The following SYNPR variants were observed in gnomAD, a reference collection of about 807,000 sequenced individuals.
SYNPR encodes the protein synaptoporin.
A neutral mutation model predicts 32.9 loss-of-function variants in SYNPR; 23 were observed. The ratio of observed to expected loss-of-function variants is 0.70; its 90% CI spans 0.50 to 0.99. SYNPR has a LOEUF of 0.99. SYNPR is among the 50% of genes least tolerant of loss of function. The probability of loss-of-function intolerance (pLI) is 0.00; values close to 1 mark genes in which losing one functional copy is unlikely to be tolerated. For missense variants in SYNPR, 318 were observed against 349.3 expected (o/e 0.91, Z 0.71); for synonymous variants, 146 against 135.9 (o/e 1.07, Z -0.52).
At chr3:63,352,866 T>C (rs2087527635) in intron 2 of SYNPR, among the ~76,000 whole-genome samples, 1 of 152,112 alleles carries the variant, frequency 6.6e-6, no homozygotes, top group South Asian at 2.1e-4. Flanking sequence ...ACTTATTCAC[T>C]ATCATGAGAA....
chr3:63,417,729 G>A (rs112840415), intron 2 of SYNPR, among the ~76,000 whole-genome samples: 3,928 of 152,300 alleles, frequency 0.026, 84 homozygotes, highest in Middle Eastern at 0.051. Flanking sequence ...CAAGGCTTGG[G>A]GCTTGCACCC....
Position 63,615,714 on chromosome 3 carries a change from G to C in SYNPR, c.*233G>C. 2.0e-6 allele frequency: 1 copy of C among 501,318 alleles called. No individual in the cohort carries two copies. Among genetic ancestry groups the C allele is most frequent in the Non-Finnish European group, 3.5e-6 (1 of 287,984 alleles). The allele number at this position is 501,318 out of a possible 1,614,324, so 31.1% of individuals were successfully genotyped here. A position where few individuals can be genotyped will look rare whatever the true frequency, so the allele number is the denominator to read the frequency against. Reference sequence around the variant, plus strand: ...TAGATGGCTAATTGGAGAGTACCTTGTTATATATACAGATACTTTCATGGT... The same window carrying C: ...TAGATGGCTAATTGGAGAGTACCTTCTTATATATACAGATACTTTCATGGT... On this transcript the variant is annotated 3_prime_UTR_variant, in exon 6 of 6. Transcript: ENST00000478300.
chr3:63,252,723 A>T (rs1334107476), intron 2 of SYNPR: 1 of 152,182 alleles, frequency 6.6e-6, no homozygotes, highest in African/African-American at 2.4e-5. Context: ...GCAAATCACC[A>T]GAATTTATAT....
chr3:63,300,059 G>A (rs1257550960), intron 2 of SYNPR, among the ~76,000 whole-genome samples: 9 of 152,072 alleles, frequency 5.9e-5, no homozygotes, highest in Admixed American at 2.0e-4. Flanking sequence ...ACTGGGATGT[G>A]TTATTCACTA....
At chr3:63,325,872 C>T (rs183010652) in intron 2 of SYNPR, among the ~76,000 whole-genome samples, 5 of 152,104 alleles carry the variant, frequency 3.3e-5, no homozygotes, top group Non-Finnish European at 7.4e-5. Context: ...GATAGGGAAG[C>T]TTTGGGTACC....
At chr3:63,236,440 G>A (rs1297407530) in intron 1 of SYNPR, among the ~76,000 whole-genome samples, 11 of 152,048 alleles carry the variant, frequency 7.2e-5, no homozygotes, top group Admixed American at 5.9e-4. Context: ...CAGAGACTGT[G>A]TTAAGCCTAT....
At chr3:63,346,587 G>A (rs553557821) in intron 2 of SYNPR, among the ~76,000 whole-genome samples, 4 of 151,910 alleles carry the variant, frequency 2.6e-5, no homozygotes, top group East Asian at 1.9e-4. Flanking sequence ...TTCTTCTGCC[G>A]CAGCCTCCTG....
At chr3:63,484,972 T>C (rs1270787441) in intron 3 of SYNPR, among the ~76,000 whole-genome samples, 2 of 152,024 alleles carry the variant, frequency 1.3e-5, no homozygotes, top group Admixed American at 6.6e-5. Context: ...AAAAGGAAAA[T>C]AACAGGGAAA....
intron 5 of SYNPR, among the ~76,000 whole-genome samples, chr3:63,613,645 C>T (rs888080122): frequency 2.7e-5 from 3 of 111,658 alleles, no homozygotes; most frequent in African/African-American, 1.1e-4. Context: ...AAAAAGTCTG[C>T]AAAGTACAAT....
At chr3:63,391,665 A>G (rs1388498503) in intron 2 of SYNPR, among the ~76,000 whole-genome samples, 10 of 152,148 alleles carry the variant, frequency 6.6e-5, no homozygotes. Flanking sequence ...TGACAACCCT[A>G]TAAGATTGGC....
chr3:63,433,597 C>T (rs1007000495), intron 2 of SYNPR, among the ~76,000 whole-genome samples: 12 of 152,114 alleles, frequency 7.9e-5, no homozygotes, highest in Admixed American at 5.2e-4. Flanking sequence ...TAGTACTGCA[C>T]GCTTCGGTTC....
intron 3 of SYNPR, among the ~76,000 whole-genome samples, chr3:63,496,526 G>A (rs1030361668): frequency 7.2e-5 from 11 of 151,998 alleles, no homozygotes; most frequent in African/African-American, 2.7e-4. Flanking sequence ...AAGTCCCTGG[G>A]CCAAAAGGTG....
At chr3:63,323,783 C>T (rs1347981827) in intron 2 of SYNPR, among the ~76,000 whole-genome samples, 1 of 152,114 alleles carries the variant, frequency 6.6e-6, no homozygotes, top group Non-Finnish European at 1.5e-5. Context: ...GATAATAGGA[C>T]AGGAAATTAT....
intron 2 of SYNPR, among the ~76,000 whole-genome samples, chr3:63,296,308 T>C (rs2086791261): frequency 6.6e-6 from 1 of 152,142 alleles, no homozygotes; most frequent in Non-Finnish European, 1.5e-5. Context: ...CATTGTGAGG[T>C]CCATCCTTTC....
intron 3 of SYNPR, among the ~76,000 whole-genome samples, chr3:63,511,311 T>C (rs1295641606): frequency 6.6e-6 from 1 of 151,856 alleles, no homozygotes; most frequent in African/African-American, 2.4e-5. Context: ...AGAGGAGGAG[T>C]TCATATCCAG....
chr3:63,294,932 T>C (rs1705256259), intron 2 of SYNPR, among the ~76,000 whole-genome samples: 1 of 152,158 alleles, frequency 6.6e-6, no homozygotes, highest in Non-Finnish European at 1.5e-5. Flanking sequence ...ACTTTGGAAA[T>C]GGATTTGAGG....
At chr3:63,317,918 T>A (rs1410446882) in intron 2 of SYNPR, among the ~76,000 whole-genome samples, 1 of 152,112 alleles carries the variant, frequency 6.6e-6, no homozygotes, top group African/African-American at 2.4e-5. Context: ...GATTTAGAGC[T>A]CCTTTTAGCA....
rs1186931575 is a variant in SYNPR, at chr3:63,408,182, GAAAGAAAGAAAGAGGA to G, written c.85-72648_85-72633del. 4.8e-4 allele frequency among the ~76,000 whole-genome samples: 52 copies of G among 108,186 alleles called. 4 individuals are homozygous for G. The highest frequency in any genetic ancestry group is 9.4e-4 in the African/African-American group (23 of 24,564). The allele number at this position is 108,186 out of a possible 152,430, so 71.0% of individuals were successfully genotyped here. A position where few individuals can be genotyped will look rare whatever the true frequency, so the allele number is the denominator to read the frequency against. On this transcript the variant is annotated intron_variant, in intron 2 of 5. Transcript: ENST00000478300. ...AGAAAGAAAGAAAGAAAGAAAGAAA[GAAAGAAAGAAAGAGGA>G]AGGAAGGAAGGAAGGAAGGAAGGAA...
the SYNPR span, among the ~76,000 whole-genome samples, chr3:63,222,017 T>TTTTTTTTTTTTTTTTTTTTTTTTTTTA: frequency 1.5e-5 from 2 of 131,410 alleles, 1 homozygote; most frequent in Non-Finnish European, 3.2e-5. Context: ...CTCAATTTTT[T>TTTTTTTTTTTTTTTTTTTTTTTTTTTA]TTTTTTTTTT....
Sources: allele counts gnomAD v4.1 joint callset (sites outside exome capture counted in the v4.1 genomes callset), GRCh38; gene constraint gnomAD v4.1.1; transcripts MANE v1.5; gene names NCBI Gene and HGNC (gene_info 2026-07-23, HGNC 2026-07-21).